Variants in GLIS3 observed in about 807,000 individuals in gnomAD.
GLIS3 encodes the protein GLIS family zinc finger 3.
Under a neutral mutation model 78.6 loss-of-function variants are expected in GLIS3, and 53 were observed. The ratio of observed to expected loss-of-function variants is 0.67; its 90% CI spans 0.54 to 0.85. The LOEUF (loss-of-function observed/expected upper bound fraction) is 0.85. Ranked by LOEUF, GLIS3 falls within the 40% of genes least tolerant of loss-of-function variation. GLIS3 has a pLI of 0.00. For missense variants in GLIS3, 1,703 were observed against 1,231.1 expected (o/e 1.38, Z -5.74); for synonymous variants, 684 against 509.9 (o/e 1.34, Z -4.60).
chr9:4,147,635 C>T (rs781667842), intron 2 of GLIS3: 15 of 150,848 alleles, frequency 9.9e-5, no homozygotes, highest in Non-Finnish European at 1.5e-4. Flanking sequence ...AGGAAAGCAT[C>T]TGACAAATGC....
At chr9:4,454,818 A>G in the GLIS3 span, among the ~76,000 whole-genome samples, 1 of 152,302 alleles carries the variant, frequency 6.6e-6, no homozygotes, top group East Asian at 1.9e-4. Flanking sequence ...GAGGTGATAC[A>G]TTTCTTTACT....
chr9:4,186,162 C>T (rs1817773109), intron 2 of GLIS3, among the ~76,000 whole-genome samples: 1 of 143,790 alleles, frequency 7.0e-6, no homozygotes. Flanking sequence ...CCCCACCCCA[C>T]AACAGTACCC....
chr9:4,022,824 G>C (rs1368573506), intron 4 of GLIS3, among the ~76,000 whole-genome samples: 1 of 152,144 alleles, frequency 6.6e-6, no homozygotes, highest in Non-Finnish European at 1.5e-5. Context: ...ACACAAGAAA[G>C]TATACACTAT....
chr9:4,467,322 C>T, the GLIS3 span, among the ~76,000 whole-genome samples: 4 of 152,218 alleles, frequency 2.6e-5, no homozygotes, highest in African/African-American at 7.2e-5. Context: ...TGAGAACGGA[C>T]AGACTGCCTC....
chr9:4,240,149 G>C (rs1182799725), intron 2 of GLIS3, among the ~76,000 whole-genome samples: 1 of 144,066 alleles, frequency 6.9e-6, no homozygotes, highest in African/African-American at 2.6e-5. Flanking sequence ...TGTGGCATCA[G>C]GGACCAGTTT....
At chr9:4,094,244 C>A (rs893517853) in intron 4 of GLIS3, among the ~76,000 whole-genome samples, 5 of 152,186 alleles carry the variant, frequency 3.3e-5, no homozygotes, top group Admixed American at 2.0e-4. Context: ...CATTTCTTAC[C>A]TACCAGATTA....
intron 4 of GLIS3, among the ~76,000 whole-genome samples, chr9:3,966,288 T>C (rs1444652612): frequency 2.6e-5 from 4 of 152,214 alleles, no homozygotes; most frequent in East Asian, 1.9e-4. Flanking sequence ...GATGCCATTA[T>C]GGGACATGAC....
intron 1 of GLIS3, chr9:4,298,336 C>G (rs1362746132): frequency 2.2e-6 from 1 of 455,524 alleles, no homozygotes. Flanking sequence ...TCGGAGGGCG[C>G]GAACGCGGAG....
At chr9:3,923,621 A>C (rs1825041258) in intron 6 of GLIS3, among the ~76,000 whole-genome samples, 1 of 151,982 alleles carries the variant, frequency 6.6e-6, no homozygotes, top group African/African-American at 2.4e-5. Context: ...GTTTGAATAT[A>C]TTAGGGTTGC....
chr9:4,386,639 A>G, the GLIS3 span: 1 of 152,208 alleles, frequency 6.6e-6, no homozygotes, highest in African/African-American at 2.4e-5. Flanking sequence ...AGGTCCCGTT[A>G]CAGAATTTTT....
At chr9:4,457,273 A>C in the GLIS3 span, among the ~76,000 whole-genome samples, 2 of 151,916 alleles carry the variant, frequency 1.3e-5, no homozygotes, top group Admixed American at 1.3e-4. Context: ...AGGTGGGAGG[A>C]TCATTTGAGC....
At chr9:4,408,791 G>A in the GLIS3 span, among the ~76,000 whole-genome samples, 1 of 151,384 alleles carries the variant, frequency 6.6e-6, no homozygotes, top group Non-Finnish European at 1.5e-5. Context: ...TCATAACAGG[G>A]GGATTATAGT....
intron 2 of GLIS3, among the ~76,000 whole-genome samples, chr9:4,181,453 G>T (rs1313719145): frequency 6.6e-6 from 1 of 152,168 alleles, no homozygotes; most frequent in South Asian, 2.1e-4. Context: ...CTACTGCCAT[G>T]CTGGCTTACA....
chr9:4,111,874 A>G (rs1831242185), intron 4 of GLIS3, among the ~76,000 whole-genome samples: 1 of 152,224 alleles, frequency 6.6e-6, no homozygotes, highest in Admixed American at 6.5e-5. Flanking sequence ...GCCTCAAGAG[A>G]CAAAGAGGAT....
intron 9 of GLIS3, among the ~76,000 whole-genome samples, chr9:3,851,060 C>G (rs917155209): frequency 3.9e-5 from 6 of 152,210 alleles, no homozygotes; most frequent in Admixed American, 3.9e-4. Context: ...CCAGTGAACA[C>G]TTGCTGAACT....
At chr9:3,896,597 T>C (rs144960532) in intron 7 of GLIS3, among the ~76,000 whole-genome samples, 4,724 of 136,706 alleles carry the variant, frequency 0.035, 114 homozygotes, top group Middle Eastern at 0.07. Flanking sequence ...ACCTGGGAGG[T>C]AGAGGTTGCA....
At chr9:3,954,955 G>A (rs750245255) in intron 4 of GLIS3, among the ~76,000 whole-genome samples, 2 of 152,150 alleles carry the variant, frequency 1.3e-5, no homozygotes, top group Non-Finnish European at 1.5e-5. Context: ...GGAATAAGCC[G>A]GTGGATAAAA....
chr9:4,038,273 G>C (rs1473977476), intron 4 of GLIS3, among the ~76,000 whole-genome samples: 1 of 129,692 alleles, frequency 7.7e-6, no homozygotes, highest in Non-Finnish European at 1.6e-5. Flanking sequence ...TTCTTTTGAA[G>C]TGTGGTAGGA....
At chr9:4,115,022 T>G (rs866067183) in intron 4 of GLIS3, among the ~76,000 whole-genome samples, 1 of 152,180 alleles carries the variant, frequency 6.6e-6, no homozygotes, top group African/African-American at 2.4e-5. Flanking sequence ...TGACATGAAA[T>G]TTGGCATGAG....
Sources: allele counts gnomAD v4.1 joint callset (sites outside exome capture counted in the v4.1 genomes callset), GRCh38; gene constraint gnomAD v4.1.1; transcripts MANE v1.5; gene names NCBI Gene and HGNC (gene_info 2026-07-23, HGNC 2026-07-21).